The following MITF variants were observed in gnomAD, a reference collection of about 807,000 sequenced individuals.
MITF encodes microphthalmia-associated transcription factor.
A neutral mutation model predicts 60.5 loss-of-function variants in MITF; 17 were observed. The observed-to-expected ratio is 0.28, with a 90% CI of 0.19 to 0.42. The LOEUF is 0.42. Among genes scored for constraint, MITF ranks in the 10% least tolerant of loss-of-function variants. The pLI is 1.00. For missense variants in MITF, 622 were observed against 683.5 expected (o/e 0.91, Z 1.00); for synonymous variants, 260 against 248.5 (o/e 1.05, Z -0.43).
At position 69,949,032 on chromosome 3, in the gene MITF, A is replaced by G; in HGVS notation, c.763-19A>G. 2 of 1,542,750 alleles carry G rather than the reference A, an allele frequency of 1.3e-6. No individual in the cohort carries two copies. Among genetic ancestry groups the G allele is most frequent in the Non-Finnish European group, 9.0e-7 (1 of 1,115,116 alleles). The stretch of plus-strand genomic sequence containing the variant: ...AATTGTTCAACAGTTAATTTCTGTT[A>G]CTGTTTGTCTCTCTCTAGTTGCCTG... On this transcript the variant is annotated intron_variant, in intron 5 of 9. Transcript: ENST00000352241.
intron 2 of MITF, among the ~76,000 whole-genome samples, chr3:69,909,062 A>G (rs1220273847): frequency 1.3e-5 from 2 of 152,110 alleles, no homozygotes; most frequent in African/African-American, 2.4e-5. Context: ...TGTGTCCCCA[A>G]CCAAATCTCA....
intron 1 of MITF, among the ~76,000 whole-genome samples, chr3:69,849,189 C>T (rs1264208769): frequency 1.3e-5 from 2 of 151,844 alleles, no homozygotes; most frequent in Non-Finnish European, 2.9e-5. Context: ...TGGTCTCGAT[C>T]TCCTGACCTC....
chr3:69,821,594 A>G (rs1220443357), intron 1 of MITF, among the ~76,000 whole-genome samples: 1 of 151,452 alleles, frequency 6.6e-6, no homozygotes, highest in Non-Finnish European at 1.5e-5. Flanking sequence ...ATAGGATCAA[A>G]TTAGACCTAG....
At chr3:69,944,354 G>A (rs1182211707) in intron 5 of MITF, among the ~76,000 whole-genome samples, 1 of 152,046 alleles carries the variant, frequency 6.6e-6, no homozygotes, top group Non-Finnish European at 1.5e-5. Context: ...CCCTTGAGGG[G>A]AGAAGGACAA....
At chr3:69,865,875 T>C (rs2064104178) in intron 1 of MITF, among the ~76,000 whole-genome samples, 2 of 152,216 alleles carry the variant, frequency 1.3e-5, no homozygotes, top group South Asian at 4.1e-4. Flanking sequence ...CTAGATTCTG[T>C]GACTCCAGTA....
At chr3:69,799,109 T>C (rs553188619) in intron 1 of MITF, among the ~76,000 whole-genome samples, 58 of 152,246 alleles carry the variant, frequency 3.8e-4, no homozygotes, top group Middle Eastern at 3.4e-3. Context: ...AGTGAATAAA[T>C]GAATGAATGA....
chr3:69,950,892 G>A (rs565868113), intron 6 of MITF, among the ~76,000 whole-genome samples: 11 of 152,078 alleles, frequency 7.2e-5, no homozygotes, highest in African/African-American at 2.7e-4. Flanking sequence ...TGCAAATAGA[G>A]CTTTCCAATT....
At chr3:69,796,694 G>T (rs563417062) in intron 1 of MITF, among the ~76,000 whole-genome samples, 4 of 150,294 alleles carry the variant, frequency 2.7e-5, no homozygotes, top group African/African-American at 7.5e-5. Flanking sequence ...TTTTGGTAGA[G>T]ACGGGGTTTC....
chr3:69,947,195 T>C (rs2066118934), intron 5 of MITF, among the ~76,000 whole-genome samples: 1 of 152,210 alleles, frequency 6.6e-6, no homozygotes, highest in Admixed American at 6.5e-5. Flanking sequence ...GCAAGTGGAA[T>C]AATTTTTCTT....
chr3:69,853,747 T>A (rs1475918254), intron 1 of MITF, among the ~76,000 whole-genome samples: 2 of 152,182 alleles, frequency 1.3e-5, no homozygotes, highest in Admixed American at 1.3e-4. Context: ...TGTGACTTCT[T>A]TTTTCATTCC....
In MITF at chr3:69,750,641, C is replaced by G. The variant is rs6767454; in HGVS notation, c.104+10940C>G. ...GCATTCCCTGTAGGGCTTGTTGAAA[C>G]AGATTTCAGGGACACACTCCCACAG... is the stretch of plus-strand genomic sequence containing the variant. On this transcript the variant is annotated intron_variant, in intron 1 of 9. Coordinates refer to ENST00000352241, the MANE Select transcript of MITF (RefSeq NM_001354604.2). Among the ~76,000 whole-genome samples, 316 of 152,032 alleles carry G rather than the reference C, an allele frequency of 2.1e-3. 1 individual carries two copies. The highest frequency in any genetic ancestry group is 7.2e-3 in the African/African-American group (300 of 41,486).
At chr3:69,756,358 C>A (rs998071010) in intron 1 of MITF, among the ~76,000 whole-genome samples, 1 of 152,102 alleles carries the variant, frequency 6.6e-6, no homozygotes, top group Non-Finnish European at 1.5e-5. Context: ...TGTTCAACTC[C>A]CACTTATGAG....
intron 9 of MITF, among the ~76,000 whole-genome samples, chr3:69,961,428 C>T (rs530741404): frequency 1.1e-4 from 17 of 151,300 alleles, no homozygotes; most frequent in South Asian, 8.4e-4. Context: ...AGCTTGTGGC[C>T]GGGTGCGGTG....
At chr3:69,871,866 A>T (rs764319597) in intron 1 of MITF, among the ~76,000 whole-genome samples, 24 of 152,172 alleles carry the variant, frequency 1.6e-4, no homozygotes, top group Non-Finnish European at 2.8e-4. Flanking sequence ...ATTGTGTTAG[A>T]TTTTTAAAAA....
At chr3:69,901,023 TATGAGGATGGA>T (rs771854091) in intron 2 of MITF, among the ~76,000 whole-genome samples, 2 of 151,780 alleles carry the variant, frequency 1.3e-5, no homozygotes, top group Non-Finnish European at 2.9e-5. Flanking sequence ...AAAAAAAACC[TATGAGGATGGA>T]ATGAGGTATG....
intron 2 of MITF, among the ~76,000 whole-genome samples, chr3:69,900,212 A>G (rs895836052): frequency 6.6e-6 from 1 of 152,056 alleles, no homozygotes; most frequent in Non-Finnish European, 1.5e-5. Flanking sequence ...AATCACAGAG[A>G]GTGGGTGACC....
At chr3:69,890,246 AC>A (rs1193941405) in intron 2 of MITF, among the ~76,000 whole-genome samples, 1 of 152,100 alleles carries the variant, frequency 6.6e-6, no homozygotes, top group Non-Finnish European at 1.5e-5. Flanking sequence ...GCAACGAGTC[AC>A]CCTTGGTAAC....
chr3:69,906,332 A>T (rs2065098535), intron 2 of MITF, among the ~76,000 whole-genome samples: 1 of 151,806 alleles, frequency 6.6e-6, no homozygotes, highest in Non-Finnish European at 1.5e-5. Flanking sequence ...CCAATACCAA[A>T]CTCTCTTGAT....
chr3:69,744,564 GAC>G (rs1423296458), intron 1 of MITF, among the ~76,000 whole-genome samples: 1 of 152,186 alleles, frequency 6.6e-6, no homozygotes, highest in Non-Finnish European at 1.5e-5. Flanking sequence ...CATGGCACCT[GAC>G]ACACAGTAAG....
Sources: gnomAD v4.1 joint callset for allele counts (sites outside exome capture counted in the v4.1 genomes callset) on GRCh38, gnomAD v4.1.1 for gene constraint, MANE v1.5 for transcripts, NCBI Gene and HGNC (gene_info 2026-07-23, HGNC 2026-07-21) for gene names.